CEACAM3: variants seen among roughly 807,000 people sequenced by gnomAD.
CEACAM3 encodes the protein cell adhesion molecule CEACAM3.
In CEACAM3, 32 loss-of-function variants were observed where a neutral mutation model predicts 30.1. The observed-to-expected ratio is 1.06, with a 90% CI of 0.80 to 1.43. CEACAM3 has a LOEUF of 1.43. CEACAM3 is among the 40% of genes most tolerant of loss of function. CEACAM3 has a pLI of 0.00. For synonymous variants in CEACAM3, 134 were observed against 127.2 expected (o/e 1.05, Z -0.36); for missense variants, 290 against 316.3 (o/e 0.92, Z 0.63).
At chr19:41,799,866 C>T (rs2073131856) in intron 2 of CEACAM3, among the ~76,000 whole-genome samples, 1 of 152,130 alleles carries the variant, frequency 6.6e-6, no homozygotes, top group Non-Finnish European at 1.5e-5. Flanking sequence ...CCTCCAGGGG[C>T]CGGGATCCTT....
Position 41,796,600 on chromosome 19 carries a change from T to C in CEACAM3, c.-78T>C. 1.3e-6 allele frequency: 2 copies of C among 1,542,590 alleles called. No homozygotes were observed. Among genetic ancestry groups the C allele is most frequent in the East Asian group, 4.5e-5 (2 of 44,380 alleles). ...AAGAGGAAGGACAGCAGAGCCTAAG[T>C]CACAGTAGCCCTGACTACAGCATTC... On this transcript the variant is annotated 5_prime_UTR_variant, in exon 1 of 7. Transcript: ENST00000357396.
chr19:41,810,783 C>A lies in CEACAM3; in HGVS notation c.628-49C>A. ...GAAGTAAATCCTGGCCAATCAGAGA[C>A]AGGAAACTTCCAGGCTGGGCCTCCA... On this transcript the variant is annotated intron_variant, in intron 5 of 6. Coordinates refer to ENST00000357396, the MANE Select transcript of CEACAM3 (RefSeq NM_001815.5). 3.4e-6 allele frequency: 5 copies of A among 1,485,946 alleles called. No individual in the cohort carries two copies. In the South Asian group the frequency reaches 4.5e-5, roughly 13 times the overall value. The allele number at this position is 1,485,946 out of a possible 1,614,324, so 92.0% of individuals were successfully genotyped here.
intron 1 of CEACAM3, 52 bp downstream of exon 1, chr19:41,796,793 C>A (rs1555825289): frequency 1.3e-6 from 2 of 1,555,794 alleles, no homozygotes; most frequent in Admixed American, 1.9e-5. Context: ...CAGAGAATGG[C>A]TGGGGTCTCC....
At chr19:41,809,532 C>A (rs782503811) in intron 3 of CEACAM3, 2 of 172,400 alleles carry the variant, frequency 1.2e-5, no homozygotes, top group South Asian at 1.3e-4. Context: ...TTCAGCATCA[C>A]CAGCCCTGAG....
chr19:41,805,487 C>G (rs1555826611), intron 2 of CEACAM3, among the ~76,000 whole-genome samples: 1 of 151,870 alleles, frequency 6.6e-6, no homozygotes, highest in African/African-American at 2.4e-5. Context: ...CGGGGTTTCA[C>G]CATGTTGGCC....
At chr19:41,810,198 G>C (rs782469671) in intron 4 of CEACAM3, 125 bp from the exon 5 acceptor site, 32 of 1,368,338 alleles carry the variant, frequency 2.3e-5, no homozygotes, top group Non-Finnish European at 3.2e-5. Context: ...TGGGCTCTGG[G>C]TCATGGGTCA....
At chr19:41,804,102 T>G (rs10426243) in intron 2 of CEACAM3, among the ~76,000 whole-genome samples, 74,561 of 149,480 alleles carry the variant, frequency 0.5, 21,082 homozygotes, top group Middle Eastern at 0.73. Context: ...AAAGAGTGGG[T>G]AAAAAAAGTG....
At position 41,797,613 on chromosome 19, in the gene CEACAM3, C is replaced by T. The variant is rs781937332; in HGVS notation, c.89C>T (p.Pro30Leu). The T allele has an allele frequency of 1.1e-5, 18 of 1,613,710 alleles. No homozygotes were observed. The highest frequency in any genetic ancestry group is 7.7e-5 in the South Asian group (7 of 91,062). Residue 30 changes from proline (P) to leucine (L), a missense_variant, in exon 2 of 7, where the codon CCG (proline) becomes CTG (leucine). Pro to Leu is a moderately conservative substitution (Grantham distance 98, BLOSUM62 -3). Coordinates refer to ENST00000357396, the MANE Select transcript of CEACAM3 (RefSeq NM_001815.5). ...LTASLLNFWNPPTTAKLTIES... is the reference protein window; with the variant it reads ...LTASLLNFWNLPTTAKLTIES... ...GCCTCACTTCTAAACTTCTGGAACCCGCCCACCACTGCCAAGCTCACTATT... is the reference window on the plus strand; with the variant it reads ...GCCTCACTTCTAAACTTCTGGAACCTGCCCACCACTGCCAAGCTCACTATT...
chr19:41,797,601 A>C lies in CEACAM3; in HGVS notation c.77A>C (p.Asn26Thr), dbSNP rs1282049960. The change falls in exon 2 of 7, where the codon AAC becomes ACC. Residue 26 changes from asparagine to threonine, a missense_variant. Transcript: ENST00000357396. ...QGLLLTASLL[N>T]FWNPPTTAKL... Reference sequence around the variant, plus strand: ...TTCTCCCTCCTAGCCTCACTTCTAAACTTCTGGAACCCGCCCACCACTGCC... The same window carrying C: ...TTCTCCCTCCTAGCCTCACTTCTAACCTTCTGGAACCCGCCCACCACTGCC... The C allele has an allele frequency of 6.2e-7, 1 of 1,613,390 alleles. No homozygotes were observed.
chr19:41,804,041 A>G (rs2073178860), intron 2 of CEACAM3, among the ~76,000 whole-genome samples: 1 of 151,558 alleles, frequency 6.6e-6, no homozygotes, highest in Non-Finnish European at 1.5e-5. Flanking sequence ...AGATAGCGCG[A>G]TTTCACTCCA....
At chr19:41,806,878 G>A (rs1811564) in intron 2 of CEACAM3, among the ~76,000 whole-genome samples, 74,726 of 151,864 alleles carry the variant, frequency 0.49, 21,176 homozygotes, top group Middle Eastern at 0.72. Context: ...TAGTAGAGAC[G>A]GGGTTTCACC....
chr19:41,799,293 G>C (rs2073128351), intron 2 of CEACAM3, among the ~76,000 whole-genome samples: 1 of 151,972 alleles, frequency 6.6e-6, no homozygotes, highest in Non-Finnish European at 1.5e-5. Context: ...CAGGAGATCT[G>C]GTTCTTTAAA....
At chr19:41,808,997 C>A in intron 3 of CEACAM3, 67 bp downstream of exon 3, 1 of 1,200,258 alleles carries the variant, frequency 8.3e-7, no homozygotes, top group Non-Finnish European at 1.2e-6. Flanking sequence ...GAAAGGAGAC[C>A]TTGTCCTGTA....
At chr19:41,809,798 C>T (rs1401914605) in intron 3 of CEACAM3, 167 bp from the exon 4 acceptor site, 2 of 689,544 alleles carry the variant, frequency 2.9e-6, no homozygotes, top group African/African-American at 1.8e-5. Context: ...TTCCTAAAGC[C>T]TTTCCTCAAC....
intron 2 of CEACAM3, among the ~76,000 whole-genome samples, chr19:41,806,037 TTTG>T (rs1337241409): frequency 3.9e-5 from 6 of 152,048 alleles, no homozygotes; most frequent in African/African-American, 1.2e-4. Flanking sequence ...TTGTTTGTTG[TTTG>T]TTGTTGTTAC....
intron 3 of CEACAM3, 29 bp from the exon 4 acceptor site, chr19:41,809,936 C>G: frequency 6.2e-7 from 1 of 1,612,864 alleles, no homozygotes; most frequent in Non-Finnish European, 8.5e-7. Context: ...TAACCTGGCA[C>G]CCTCCCAAAT....
Position 41,803,700 on chromosome 19 carries a change from T to C in CEACAM3, c.425-5113T>C, listed in dbSNP as rs1387302761. Among the ~76,000 whole-genome samples, 12 of 145,016 alleles carry C rather than the reference T, an allele frequency of 8.3e-5. 1 individual carries two copies. The highest frequency in any genetic ancestry group is 2.9e-4 in the African/African-American group (12 of 40,882). Reference sequence around the variant, plus strand: ...CCAGGATGGTCTCGACCTCCCAACCTCATGATCTGCCCGCCTTGGCCTCCA... The same window carrying C: ...CCAGGATGGTCTCGACCTCCCAACCCCATGATCTGCCCGCCTTGGCCTCCA... On this transcript the variant is annotated intron_variant, in intron 2 of 6. Coordinates refer to ENST00000357396, the MANE Select transcript of CEACAM3 (RefSeq NM_001815.5).
intron 2 of CEACAM3, among the ~76,000 whole-genome samples, chr19:41,808,200 C>A (rs2073218779): frequency 6.6e-6 from 1 of 152,210 alleles, no homozygotes; most frequent in Non-Finnish European, 1.5e-5. Flanking sequence ...CCTTGTTGTT[C>A]TGATTTCTCA....
In CEACAM3 at chr19:41,810,907, G is replaced by C. The variant is rs782290875; in HGVS notation, c.693+10G>C. The C allele has an allele frequency of 4.3e-6, 7 of 1,612,502 alleles. No homozygotes were observed. ...AGCTTCCATCTATGAGGTGAGTGTGGGCCACGGATGTTCTGGTCCCACAGG... is the reference window on the plus strand; with the variant it reads ...AGCTTCCATCTATGAGGTGAGTGTGCGCCACGGATGTTCTGGTCCCACAGG... On this transcript the variant is annotated intron_variant, in intron 6 of 6. Coordinates refer to ENST00000357396, the MANE Select transcript of CEACAM3 (RefSeq NM_001815.5).
Sources: gnomAD v4.1 joint callset for allele counts (sites outside exome capture counted in the v4.1 genomes callset) on GRCh38, gnomAD v4.1.1 for gene constraint, MANE v1.5 for transcripts, NCBI Gene and HGNC (gene_info 2026-07-23, HGNC 2026-07-21) for gene names.